Variants in NDC80 observed in about 807,000 individuals in gnomAD.
NDC80 encodes NDC80 kinetochore complex component, also known as kinetochore protein NDC80 homolog.
In NDC80, 69 loss-of-function variants were observed where a neutral mutation model predicts 89.3. The ratio of observed to expected loss-of-function variants is 0.77; its 90% CI spans 0.64 to 0.94. The LOEUF is 0.94. Ranked by LOEUF, NDC80 falls within the 40% of genes least tolerant of loss-of-function variation. NDC80 has a pLI of 0.00. For missense variants in NDC80, 593 were observed against 739.6 expected, an observed-to-expected ratio of 0.80 and a Z score of 2.30; for synonymous variants, 243 against 255.6, an observed-to-expected ratio of 0.95 and a Z score of 0.47.
In NDC80 at chr18:2,607,965, G is replaced by GTATATATATATATATATATATA. The variant is rs3033372; in HGVS notation, c.1558-722_1558-701dup. Among the ~76,000 whole-genome samples, 7 of 68,140 alleles carry GTATATATATATATATATATATA rather than the reference G, an allele frequency of 1.0e-4. 1 individual carries two copies. The highest frequency in any genetic ancestry group is 1.7e-4 in the African/African-American group (3 of 17,746). 44.7% of individuals were successfully genotyped at this position (68,140 alleles called of 152,430 possible). On this transcript the variant is annotated intron_variant, in intron 14 of 16. Coordinates refer to ENST00000261597, the MANE Select transcript of NDC80 (RefSeq NM_006101.3). Reference sequence around the variant, plus strand: ...TGTTTTTATTTTACATATATACATAGTATATATATATATATATATATATAT... The same window carrying GTATATATATATATATATATATA: ...TGTTTTTATTTTACATATATACATAGTATATATATATATATATATATATATATATATATATATATATATATAT...
In NDC80 at chr18:2,603,351, T is replaced by TTATATATATATATATATATA. The variant is rs1179070812; in HGVS notation, c.1464+1870_1464+1871insTATATATATATATATATATA. Among the ~76,000 whole-genome samples, 513 of 80,694 alleles carry TTATATATATATATATATATA rather than the reference T, an allele frequency of 6.4e-3. 16 individuals carry two copies. The highest frequency in any genetic ancestry group is 0.024 in the African/African-American group (479 of 19,720). The allele number at this position is 80,694 out of a possible 152,430, so 52.9% of individuals were successfully genotyped here. Reference sequence around the variant, plus strand: ...TGGAGAACAACAGAAGAGAATATGTTTATACATATATATATATATATATAT... The same window carrying TTATATATATATATATATATA: ...TGGAGAACAACAGAAGAGAATATGTTTATATATATATATATATATATATACATATATATATATATATATAT... On this transcript the variant is annotated intron_variant, in intron 13 of 16. Transcript: ENST00000261597.
intron 2 of NDC80, 145 bp downstream of exon 2, chr18:2,573,231 T>C (rs2072528407): frequency 3.2e-6 from 2 of 629,868 alleles, no homozygotes; most frequent in African/African-American, 1.8e-5. Context: ...TTTGGATCAA[T>C]GAAATCTAAA....
intron 13 of NDC80, among the ~76,000 whole-genome samples, chr18:2,606,050 A>G (rs976050160): frequency 4.0e-5 from 6 of 151,790 alleles, no homozygotes; most frequent in South Asian, 2.1e-4. Flanking sequence ...TGAAAAGCTA[A>G]ATAGCTGTAG....
chr18:2,610,327 T>G (rs2072736231), intron 15 of NDC80, among the ~76,000 whole-genome samples: 1 of 152,230 alleles, frequency 6.6e-6, no homozygotes, highest in Non-Finnish European at 1.5e-5. Flanking sequence ...TTCTCTTCAC[T>G]TCTTTATTTG....
Position 2,599,159 on chromosome 18 carries a change from G to T in NDC80, c.1362G>T (p.Arg454Ser), listed in dbSNP as rs1238363098. The change falls in exon 12 of 17, where the codon AGG becomes AGT. Residue 454 changes from arginine (R) to serine (S), a missense_variant. Arg to Ser is a moderately radical substitution (Grantham distance 110). Coordinates refer to ENST00000261597, the MANE Select transcript of NDC80 (RefSeq NM_006101.3). ...EAGANCLVKY[R>S]AQVYVPLKEL... ...GTGCCAACTGCCTTGTCAAATACAG[G>T]GCTCAAGTTTATGTAAGTAATCATG... 1.2e-6 allele frequency: 2 copies of T among 1,606,402 alleles called. No homozygotes were observed. Among genetic ancestry groups the T allele is most frequent in the Non-Finnish European group, 1.7e-6 (2 of 1,177,370 alleles).
chr18:2,602,054 A>G (rs531238216), intron 13 of NDC80, among the ~76,000 whole-genome samples: 116 of 152,280 alleles, frequency 7.6e-4, no homozygotes, highest in African/African-American at 2.6e-3. Context: ...TAGTTAAGAA[A>G]AGTTAAGCTA....
chr18:2,613,605 G>A (rs2072756528), intron 16 of NDC80, among the ~76,000 whole-genome samples: 2 of 152,204 alleles, frequency 1.3e-5, no homozygotes, highest in Admixed American at 1.3e-4. Context: ...GATGGATTCA[G>A]AAATTAATGT....
chr18:2,572,846 C>A (rs2072524359), intron 1 of NDC80, 131 bp from the exon 2 acceptor site: 4 of 654,160 alleles, frequency 6.1e-6, no homozygotes, highest in South Asian at 2.1e-5. Context: ...AAAAGAGATA[C>A]CCCAGGGGAA....
At chr18:2,607,482 T>C (rs2072718007) in intron 14 of NDC80, among the ~76,000 whole-genome samples, 1 of 152,152 alleles carries the variant, frequency 6.6e-6, no homozygotes. Flanking sequence ...AAAATACTGC[T>C]GAATGAATCC....
At chr18:2,590,281 AC>A (rs1471905625) in intron 10 of NDC80, 119 bp downstream of exon 10, 2 of 1,058,374 alleles carry the variant, frequency 1.9e-6, no homozygotes, top group African/African-American at 3.3e-5. Context: ...AGAGCAGGCT[AC>A]CAAGTTTTCA....
intron 10 of NDC80, among the ~76,000 whole-genome samples, chr18:2,590,669 T>C (rs2072623221): frequency 6.6e-6 from 1 of 152,226 alleles, no homozygotes; most frequent in Non-Finnish European, 1.5e-5. Context: ...TAATCACATC[T>C]GCAAAGACCC....
intron 3 of NDC80, among the ~76,000 whole-genome samples, chr18:2,576,136 C>T (rs1462041475): frequency 4.6e-5 from 7 of 152,024 alleles, no homozygotes; most frequent in Non-Finnish European, 8.8e-5. Context: ...ATTATCTAGT[C>T]CAACATTTTA....
At position 2,578,907 on chromosome 18, in the gene NDC80, G is replaced by A; in HGVS notation, c.477-20G>A. 2 of 1,349,508 alleles carry A rather than the reference G, an allele frequency of 1.5e-6. 1 individual carries two copies. The highest frequency in any genetic ancestry group is 2.0e-6 in the Non-Finnish European group (2 of 1,005,938). The allele number at this position is 1,349,508 out of a possible 1,614,324, so 83.6% of individuals were successfully genotyped here. On this transcript the variant is annotated intron_variant, in intron 5 of 16. Transcript: ENST00000261597. Reference sequence around the variant, plus strand: ...TTATAATAACATTAAATTAGCTTATGTTTTTCTGATTTCTCATAGGTATCC... The same window carrying A: ...TTATAATAACATTAAATTAGCTTATATTTTTCTGATTTCTCATAGGTATCC...
chr18:2,578,444 A>G (rs2072559613), intron 5 of NDC80, among the ~76,000 whole-genome samples: 1 of 152,228 alleles, frequency 6.6e-6, no homozygotes, highest in African/African-American at 2.4e-5. Context: ...GTAGATTATT[A>G]CAGAGCAACA....
At chr18:2,574,443 T>G (rs1488079148) in intron 2 of NDC80, among the ~76,000 whole-genome samples, 1 of 152,178 alleles carries the variant, frequency 6.6e-6, no homozygotes, top group East Asian at 1.9e-4. Context: ...CACTGTACAT[T>G]ATATGTATCA....
chr18:2,601,796 ACCTT>A lies in NDC80; in HGVS notation c.1464+312_1464+315del, dbSNP rs1277598515. The stretch of plus-strand genomic sequence containing the variant: ...ATACTAAAAGAGGCTTCAAGTGGCT[ACCTT>A]GAAAGTAGGCAAGTATAATTACGGC... On this transcript the variant is annotated intron_variant, in intron 13 of 16. Coordinates refer to ENST00000261597, the MANE Select transcript of NDC80 (RefSeq NM_006101.3). 7.2e-5 allele frequency among the ~76,000 whole-genome samples: 11 copies of A among 152,282 alleles called. No homozygotes were observed. The East Asian group carries it at 2.1e-3, about 29-fold the overall frequency.
chr18:2,595,680 T>C, intron 11 of NDC80, 59 bp downstream of exon 11: 2 of 1,455,670 alleles, frequency 1.4e-6, no homozygotes, highest in East Asian at 2.3e-5. Flanking sequence ...TGAAGGTCTG[T>C]CCCAATTAAG....
At chr18:2,608,446 T>A (rs939158403) in intron 14 of NDC80, among the ~76,000 whole-genome samples, 3 of 152,122 alleles carry the variant, frequency 2.0e-5, no homozygotes, top group Non-Finnish European at 2.9e-5. Context: ...CTTCAAGTGA[T>A]CCACCCACCT....
At chr18:2,590,856 C>T (rs2072624086) in intron 10 of NDC80, among the ~76,000 whole-genome samples, 1 of 152,148 alleles carries the variant, frequency 6.6e-6, no homozygotes, top group African/African-American at 2.4e-5. Context: ...AAATTCTATA[C>T]AAATATATAC....
Sources: allele counts gnomAD v4.1 joint callset (sites outside exome capture counted in the v4.1 genomes callset), GRCh38; gene constraint gnomAD v4.1.1; transcripts MANE v1.5; gene names NCBI Gene and HGNC (gene_info 2026-07-23, HGNC 2026-07-21).